The following BRD9 variants were observed in gnomAD, a reference collection of about 807,000 sequenced individuals.
The protein encoded by BRD9 is bromodomain-containing protein 9.
BRD9 carries 47 observed loss-of-function variants against 68.7 expected under a neutral mutation model. That is an observed-to-expected ratio of 0.68 (90% CI 0.54 to 0.87). The LOEUF (loss-of-function observed/expected upper bound fraction) is 0.87. Among genes scored for constraint, BRD9 ranks in the 40% least tolerant of loss-of-function variants. The pLI is 0.00. For missense variants in BRD9, 670 were observed against 748.4 expected, an observed-to-expected ratio of 0.90 and a Z score of 1.22; for synonymous variants, 313 against 293.9, an observed-to-expected ratio of 1.06 and a Z score of -0.67.
chr5:873,316 A>C (rs1750424666), intron 12 of BRD9, among the ~76,000 whole-genome samples: 1 of 152,194 alleles, frequency 6.6e-6, no homozygotes, highest in Non-Finnish European at 1.5e-5. Flanking sequence ...CTGAAGACTG[A>C]GCTCTGACCC....
At chr5:865,236 G>C (rs959839769) in intron 15 of BRD9, among the ~76,000 whole-genome samples, 178 bp downstream of exon 15, 1 of 152,220 alleles carries the variant, frequency 6.6e-6, no homozygotes, top group South Asian at 2.1e-4. Context: ...GCTCCGCTCC[G>C]GCTCTGCACC....
intron 12 of BRD9, 22 bp downstream of exon 12, chr5:876,078 AC>A: frequency 6.4e-7 from 1 of 1,568,318 alleles, no homozygotes; most frequent in Non-Finnish European, 8.7e-7. Context: ...CTGCCCCCCA[AC>A]CCCGGTGCGA....
intron 14 of BRD9, 123 bp from the exon 15 acceptor site, chr5:865,704 T>G: frequency 9.0e-7 from 1 of 1,107,424 alleles, no homozygotes; most frequent in Admixed American, 2.4e-5. Flanking sequence ...CTCTGGAAAC[T>G]GAGTGGACGA....
chr5:865,297 G>T, intron 15 of BRD9, 117 bp downstream of exon 15: 2 of 1,342,472 alleles, frequency 1.5e-6, no homozygotes, highest in South Asian at 1.5e-5. Flanking sequence ...CAACAGCACC[G>T]CTGCCCATGC....
intron 8 of BRD9, chr5:883,635 G>C (rs769590712): frequency 2.8e-5 from 13 of 472,370 alleles, no homozygotes; most frequent in Non-Finnish European, 4.7e-5. Context: ...AGACACAGAA[G>C]TCAGCATTCA....
chr5:876,234 G>C, intron 11 of BRD9, 22 bp from the exon 12 acceptor site: 1 of 1,593,506 alleles, frequency 6.3e-7, no homozygotes, highest in Non-Finnish European at 8.6e-7. Flanking sequence ...GCGGGAGAAG[G>C]TACGCTGAAA....
chr5:881,265 T>C (rs1165763992), intron 8 of BRD9, 83 bp from the exon 9 acceptor site: 35 of 1,314,410 alleles, frequency 2.7e-5, no homozygotes, highest in Non-Finnish European at 3.4e-5. Flanking sequence ...AAGCAGGGCT[T>C]AATGGGGGTG....
At chr5:889,883 AC>A (rs1753104695) in intron 3 of BRD9, 2 of 697,270 alleles carry the variant, frequency 2.9e-6, no homozygotes, top group Non-Finnish European at 4.6e-6. Context: ...GGTAGCCCTT[AC>A]ATCAACAATA....
At chr5:866,385 A>T (rs765100860) in intron 14 of BRD9, 1 of 152,294 alleles carries the variant, frequency 6.6e-6, no homozygotes, top group Non-Finnish European at 1.5e-5. Flanking sequence ...CTCAAAGCTG[A>T]TATCAGGGAA....
In BRD9 at chr5:892,609, C is replaced by T. The variant is rs1753633163; in HGVS notation, c.49G>A (p.Glu17Lys). ...KHKAEWRSSY[E>K]DYADKPLEKP... is the part of the protein sequence containing the mutation. ...TCACAAAGCGCCGCCGCCTCACCCT[C>T]GTAGGACGAGCGCCACTCGGCCTTG... is the stretch of plus-strand genomic sequence containing the variant. The change falls in exon 1 of 16, where the codon GAG becomes AAG. Residue 17 changes from glutamate (E) to lysine (K), a missense_variant. Glu to Lys is a moderately conservative substitution (Grantham distance 56, BLOSUM62 1). Around this residue, in one of 5 missense-constraint regions of BRD9, gnomAD observed 161 missense variants for 148.1 expected, o/e 1.09. Coordinates refer to ENST00000467963, the MANE Select transcript of BRD9 (RefSeq NM_023924.5). 1 of 1,531,076 alleles carries T rather than the reference C, an allele frequency of 6.5e-7. No homozygotes were observed. The highest frequency in any genetic ancestry group is 8.8e-7 in the Non-Finnish European group (1 of 1,138,396). The allele number at this position is 1,531,076 out of a possible 1,614,324, so 94.8% of individuals were successfully genotyped here.
At chr5:874,559 C>T (rs924929528) in intron 12 of BRD9, among the ~76,000 whole-genome samples, 3 of 152,200 alleles carry the variant, frequency 2.0e-5, no homozygotes, top group African/African-American at 4.8e-5. Context: ...CCCACAGCTC[C>T]AAGTGCAGCA....
At position 892,776 on chromosome 5, in the gene BRD9, C is replaced by G. The variant is rs1419473887; in HGVS notation, c.-119G>C. 12 of 1,106,484 alleles carry G rather than the reference C, an allele frequency of 1.1e-5. No individual in the cohort carries two copies. The highest frequency in any genetic ancestry group is 4.3e-5 in the South Asian group (1 of 23,128). 68.5% of individuals were successfully genotyped at this position (1,106,484 alleles called of 1,614,324 possible). ...CCCGCGCTCGCTGCGCCGAGGTTGC[C>G]GAGCTCGCTGGGCCGCGCCGGAAAC... On this transcript the variant is annotated 5_prime_UTR_variant, in exon 1 of 16. Coordinates refer to ENST00000467963, the MANE Select transcript of BRD9 (RefSeq NM_023924.5).
intron 8 of BRD9, chr5:882,302 CACAACTTCCCAACACATGAGCCAAGCAG>C (rs1268917274): frequency 6.3e-6 from 1 of 158,528 alleles, no homozygotes; most frequent in East Asian, 1.9e-4. Flanking sequence ...CCACGCAGAC[CACAACTTCCCAACACATGAGCCAAGCAG>C]ACAACCGCCC....
At chr5:876,064 GCACCTGCCCC>G in intron 12 of BRD9, 27 bp downstream of exon 12, 1 of 1,489,228 alleles carries the variant, frequency 6.7e-7, no homozygotes, top group South Asian at 1.1e-5. Flanking sequence ...CACCCCAAGG[GCACCTGCCCC>G]CCAACCCCGG....
intron 8 of BRD9, chr5:882,972 C>A: frequency 7.0e-6 from 2 of 286,276 alleles, no homozygotes; most frequent in Non-Finnish European, 1.3e-5. Context: ...ACACACAAGC[C>A]ACGCAGACCA....
rs765774657 is a variant in BRD9, at chr5:876,215, A to G, written c.1272-3T>C. The G allele has an allele frequency of 1.9e-6, 3 of 1,611,286 alleles. No individual in the cohort carries two copies. Among genetic ancestry groups the G allele is most frequent in the Non-Finnish European group, 2.5e-6 (3 of 1,177,960 alleles). ...CATCCTTCACAAACTCCTGCAGGCT[A>G]GAGGGGCCGCGGGAGAAGGTACGCT... On this transcript the variant is annotated splice_polypyrimidine_tract_variant and splice_region_variant and intron_variant, in intron 11 of 15. Coordinates refer to ENST00000467963, the MANE Select transcript of BRD9 (RefSeq NM_023924.5).
Position 886,698 on chromosome 5 carries a change from G to C in BRD9, c.727C>G (p.Leu243Val). 6.2e-7 allele frequency: 1 copy of C among 1,614,134 alleles called. No individual in the cohort carries two copies. Among genetic ancestry groups the C allele is most frequent in the South Asian group, 1.1e-5 (1 of 91,084 alleles). Residue 243 changes from leucine to valine, a missense_variant, in exon 7 of 16, where the codon CTT becomes GTT. Coordinates refer to ENST00000467963, the MANE Select transcript of BRD9 (RefSeq NM_023924.5). ...ACAGCTGTATCTTCATTGCCCAAAA[G>C]AGCTGCCTGCTGAGAAAAATCCATG... Reference protein sequence around the residue: ...GFKMMSKQAALLGNEDTAVEE... With the variant: ...GFKMMSKQAAVLGNEDTAVEE...
At chr5:877,317 C>CT (rs1751098802) in intron 11 of BRD9, among the ~76,000 whole-genome samples, 1 of 152,224 alleles carries the variant, frequency 6.6e-6, no homozygotes, top group South Asian at 2.1e-4. Flanking sequence ...GCAAACAACT[C>CT]TTTAATTTCT....
At chr5:875,347 C>T (rs58555751) in intron 12 of BRD9, among the ~76,000 whole-genome samples, 5,643 of 149,468 alleles carry the variant, frequency 0.038, 329 homozygotes, top group African/African-American at 0.13. Flanking sequence ...TGACTTCAGA[C>T]GCTTTTTTTT....
Sources: allele counts gnomAD v4.1 joint callset (sites outside exome capture counted in the v4.1 genomes callset), GRCh38; gene constraint gnomAD v4.1.1; regional missense constraint gnomAD v4.1.1; transcripts MANE v1.5; gene names NCBI Gene and HGNC (gene_info 2026-07-23, HGNC 2026-07-21).